TF: variants seen among roughly 807,000 people sequenced by gnomAD.
TF encodes transferrin.
Under a neutral mutation model 82.4 loss-of-function variants are expected in TF, and 55 were observed. The observed-to-expected ratio is 0.67, with a 90% CI of 0.54 to 0.84. The LOEUF (loss-of-function observed/expected upper bound fraction) is 0.84. Among genes scored for constraint, TF ranks in the 40% least tolerant of loss-of-function variants. TF has a pLI of 0.00. For synonymous variants in TF, 332 were observed against 332.6 expected, an observed-to-expected ratio of 1.00 and a Z score of 0.02; for missense variants, 737 against 868.4, an observed-to-expected ratio of 0.85 and a Z score of 1.90.
At chr3:133,705,789 A>G in the TF span, among the ~76,000 whole-genome samples, 1 of 152,232 alleles carries the variant, frequency 6.6e-6, no homozygotes, top group South Asian at 2.1e-4. Context: ...AGTTAGAATC[A>G]GTAATACTGG....
At chr3:133,696,536 C>G in the TF span, among the ~76,000 whole-genome samples, 46 of 152,238 alleles carry the variant, frequency 3.0e-4, no homozygotes, top group South Asian at 3.9e-3. Flanking sequence ...TATAAATCTA[C>G]TAAACAAATT....
At chr3:133,728,206 G>T in the TF span, among the ~76,000 whole-genome samples, 5 of 152,144 alleles carry the variant, frequency 3.3e-5, no homozygotes, top group Non-Finnish European at 7.3e-5. Context: ...GGCCTGCCTT[G>T]CTAGATTGGG....
chr3:133,754,607 G>A lies in TF; in HGVS notation c.438G>A (p.Gly146=), dbSNP rs1329757037. The A allele has an allele frequency of 1.2e-6, 2 of 1,614,244 alleles. No homozygotes were observed. The highest frequency in any genetic ancestry group is 1.1e-5 in the South Asian group (1 of 91,084). ...ACACGGGTCTAGGCAGGTCCGCTGG[G>A]TGGAACATCCCCATAGGCTTACTTT... is the stretch of plus-strand genomic sequence containing the variant. ...SCHTGLGRSA[G]WNIPIGLLYC... The change falls in exon 4 of 17, where the codon GGG becomes GGA. Residue 146 remains glycine (G), a synonymous_variant. Transcript: ENST00000402696.
the TF span, among the ~76,000 whole-genome samples, chr3:133,717,423 C>T: frequency 2.6e-5 from 4 of 152,346 alleles, no homozygotes; most frequent in East Asian, 7.7e-4. Context: ...CTTCTCCCGT[C>T]TGCTTGTCTT....
chr3:133,776,957 G>A (rs1934408015), intron 15 of TF, 92 bp from the exon 16 acceptor site: 1 of 1,188,182 alleles, frequency 8.4e-7, no homozygotes, highest in African/African-American at 1.5e-5. Context: ...TTTTCCCCAG[G>A]GCTGGTTCAG....
At chr3:133,703,437 C>A in the TF span, among the ~76,000 whole-genome samples, 5 of 152,312 alleles carry the variant, frequency 3.3e-5, no homozygotes, top group East Asian at 9.6e-4. Context: ...GTCTTAGCCG[C>A]TGTTGATTGG....
At chr3:133,681,816 C>G in the TF span, among the ~76,000 whole-genome samples, 2 of 152,232 alleles carry the variant, frequency 1.3e-5, no homozygotes, top group African/African-American at 4.8e-5. Context: ...CTTCTGCAGA[C>G]TTAAACATCC....
chr3:133,761,075 G>A (rs563512207), intron 9 of TF: 6 of 154,870 alleles, frequency 3.9e-5, no homozygotes, highest in African/African-American at 1.4e-4. Context: ...GAAAGTGAAG[G>A]TGAGTGTGGA....
the TF span, among the ~76,000 whole-genome samples, chr3:133,710,690 C>T: frequency 7.2e-5 from 11 of 152,196 alleles, no homozygotes; most frequent in Non-Finnish European, 1.6e-4. Flanking sequence ...TCCCATGTTC[C>T]CTTCCATGGT....
chr3:133,711,183 C>T, the TF span, among the ~76,000 whole-genome samples: 1 of 152,194 alleles, frequency 6.6e-6, no homozygotes, highest in South Asian at 2.1e-4. Context: ...ACGGAATCCC[C>T]AAGCACTCAC....
At chr3:133,736,589 A>G in the TF span, among the ~76,000 whole-genome samples, 1 of 139,508 alleles carries the variant, frequency 7.2e-6, no homozygotes, top group Non-Finnish European at 1.5e-5. Context: ...CATAGGCTCA[A>G]AATAAAGAGA....
At chr3:133,748,715 CA>C in intron 2 of TF, 131 bp downstream of exon 2, 1 of 1,213,808 alleles carries the variant, frequency 8.2e-7, no homozygotes, top group Admixed American at 2.0e-5. Flanking sequence ...TTACTAAAAT[CA>C]CTTCAAAAGT....
chr3:133,715,481 C>G, the TF span, among the ~76,000 whole-genome samples: 1 of 152,228 alleles, frequency 6.6e-6, no homozygotes, highest in East Asian at 1.9e-4. Flanking sequence ...AGCATCAAAT[C>G]TTCTTCTCTA....
At chr3:133,776,542 C>T (rs1225754017) in intron 15 of TF, among the ~76,000 whole-genome samples, 1 of 152,192 alleles carries the variant, frequency 6.6e-6, no homozygotes, top group Non-Finnish European at 1.5e-5. Flanking sequence ...CAACATTTTG[C>T]AGTCATCATT....
chr3:133,728,567 C>G, the TF span, among the ~76,000 whole-genome samples: 1 of 152,130 alleles, frequency 6.6e-6, no homozygotes, highest in Non-Finnish European at 1.5e-5. Flanking sequence ...AAATTTTTTT[C>G]AAAGTTTATA....
At chr3:133,740,986 ATTTTTTTTTT>A in the TF span, among the ~76,000 whole-genome samples, 2 of 47,480 alleles carry the variant, frequency 4.2e-5, no homozygotes, top group South Asian at 9.9e-4. Context: ...ATCCAGCTCT[ATTTTTTTTTT>A]TTTTTTTTTT....
At chr3:133,763,627 C>A (rs1430621427) in intron 9 of TF, among the ~76,000 whole-genome samples, 1 of 152,224 alleles carries the variant, frequency 6.6e-6, no homozygotes, top group Non-Finnish European at 1.5e-5. Context: ...GGAAATCTTA[C>A]AAACCTTGTT....
chr3:133,758,312 A>G (rs1933895864), intron 8 of TF, among the ~76,000 whole-genome samples: 1 of 152,216 alleles, frequency 6.6e-6, no homozygotes, highest in Non-Finnish European at 1.5e-5. Flanking sequence ...ATGTACCATA[A>G]TGAAGAGGTG....
In TF at chr3:133,755,403, G is replaced by A. The variant is rs765159608; in HGVS notation, c.543G>A (p.Ala181=). Reference sequence around the variant, plus strand: ...TCTCGGGCAGCTGTGCCCCTTGTGCGGATGGGACGGACTTCCCCCAGCTGT... The same window carrying A: ...TCTCGGGCAGCTGTGCCCCTTGTGCAGATGGGACGGACTTCCCCCAGCTGT... The part of the protein sequence containing the change: ...NFFSGSCAPC[A]DGTDFPQLCQ... The change falls in exon 5 of 17, where the codon GCG becomes GCA. Residue 181 remains alanine (A), a synonymous_variant. Transcript: ENST00000402696. 6.2e-6 allele frequency: 10 copies of A among 1,614,224 alleles called. No homozygotes were observed. Among genetic ancestry groups the A allele is most frequent in the Admixed American group, 5.0e-5 (3 of 60,026 alleles).
Sources: gnomAD v4.1 joint callset for allele counts (sites outside exome capture counted in the v4.1 genomes callset) on GRCh38, gnomAD v4.1.1 for gene constraint, MANE v1.5 for transcripts, NCBI Gene and HGNC (gene_info 2026-07-23, HGNC 2026-07-21) for gene names.